L3MBTL3: variants seen among roughly 807,000 people sequenced by gnomAD.
L3MBTL3 encodes L3MBTL histone methyl-lysine binding protein 3, also known as lethal(3)malignant brain tumor-like protein 3.
L3MBTL3 carries 27 observed loss-of-function variants against 102.3 expected under a neutral mutation model. That is an observed-to-expected ratio of 0.26 (90% confidence interval 0.19 to 0.36). L3MBTL3 has a LOEUF of 0.36. Among genes scored for constraint, L3MBTL3 ranks in the 10% least tolerant of loss-of-function variants. L3MBTL3 has a pLI of 1.00. For missense variants in L3MBTL3, 798 were observed against 955.3 expected (o/e 0.84, Z 2.17); for synonymous variants, 340 against 320.9 (o/e 1.06, Z -0.64).
At chr6:130,030,430 A>T (rs1455111160) in intron 2 of L3MBTL3, among the ~76,000 whole-genome samples, 1 of 151,816 alleles carries the variant, frequency 6.6e-6, no homozygotes, top group Non-Finnish European at 1.5e-5. Context: ...TGGGAGGCTG[A>T]GGTGGGCAGA....
intron 13 of L3MBTL3, among the ~76,000 whole-genome samples, chr6:130,077,026 T>C (rs1384962160): frequency 6.6e-6 from 1 of 152,052 alleles, no homozygotes; most frequent in Non-Finnish European, 1.5e-5. Flanking sequence ...ATATTCAGTG[T>C]TTCTACTTTA....
At chr6:130,076,868 T>A (rs7756733) in intron 13 of L3MBTL3, among the ~76,000 whole-genome samples, 72,983 of 152,036 alleles carry the variant, frequency 0.48, 20,046 homozygotes, top group East Asian at 0.65. Flanking sequence ...TTGAGGCAGC[T>A]TCTTTGTTTT....
In L3MBTL3 at chr6:130,083,706, G is replaced by A; in HGVS notation, c.1407+1G>A. 2 of 1,471,116 alleles carry A rather than the reference G, an allele frequency of 1.4e-6. No individual in the cohort carries two copies. Among genetic ancestry groups the A allele is most frequent in the Non-Finnish European group, 1.9e-6 (2 of 1,070,988 alleles). The allele number at this position is 1,471,116 out of a possible 1,614,324, so 91.1% of individuals were successfully genotyped here. ...TGCTCCTGCAAGAGCTTTCAAAGTGGTAAGATGATACATTTTATTAATTTG... is the reference window on the plus strand; with the variant it reads ...TGCTCCTGCAAGAGCTTTCAAAGTGATAAGATGATACATTTTATTAATTTG... On this transcript the variant is annotated splice_donor_variant, in intron 15 of 22. Coordinates refer to ENST00000361794, the MANE Select transcript of L3MBTL3 (RefSeq NM_032438.4). LOFTEE classifies it high-confidence loss of function.
At chr6:130,080,995 G>A (rs977515275) in intron 14 of L3MBTL3, among the ~76,000 whole-genome samples, 2 of 152,204 alleles carry the variant, frequency 1.3e-5, no homozygotes, top group African/African-American at 4.8e-5. Context: ...GGCTTCCTAA[G>A]CAGCTGCTTC....
At chr6:130,128,321 T>C (rs1158501553) in intron 20 of L3MBTL3, among the ~76,000 whole-genome samples, 1 of 152,078 alleles carries the variant, frequency 6.6e-6, no homozygotes, top group Non-Finnish European at 1.5e-5. Context: ...TACTTAACAG[T>C]GTCAGGAAAT....
intron 18 of L3MBTL3, among the ~76,000 whole-genome samples, chr6:130,101,557 A>T (rs17058353): frequency 0.077 from 11,662 of 152,236 alleles, 613 homozygotes; most frequent in Admixed American, 0.14. Context: ...AATGAGGTGA[A>T]GGCAGGTCAG....
At chr6:130,060,000 A>G in intron 9 of L3MBTL3, 36 bp from the exon 10 acceptor site, 2 of 1,173,392 alleles carry the variant, frequency 1.7e-6, no homozygotes, top group East Asian at 2.3e-5. Flanking sequence ...GGGCTTTGGG[A>G]TAAGGGACTA....
At chr6:130,116,816 G>C (rs1785717902) in intron 19 of L3MBTL3, among the ~76,000 whole-genome samples, 1 of 151,830 alleles carries the variant, frequency 6.6e-6, no homozygotes, top group Admixed American at 6.6e-5. Context: ...CGAAATTGTT[G>C]ATAATGAAAA....
chr6:130,072,459 A>G (rs905756450), intron 13 of L3MBTL3, among the ~76,000 whole-genome samples: 1 of 152,176 alleles, frequency 6.6e-6, no homozygotes, highest in African/African-American at 2.4e-5. Context: ...CTGCTTTAGA[A>G]TATTTTGTTT....
chr6:130,104,489 A>C lies in L3MBTL3; in HGVS notation c.1800A>C (p.Leu600Phe). ...AAGACCGTATTTTTCCAGACCGCTT[A>C]AGTGGTGAGATGCCTCCGGCTAGTC... ...LNKDRIFPDR[L>F]SGEMPPASPS... is the part of the protein sequence containing the mutation. Residue 600 changes from leucine (L) to phenylalanine (F), a missense_variant, in exon 19 of 23, where the codon TTA (leucine) becomes TTC (phenylalanine). Physicochemically the swap from Leu to Phe is conservative, Grantham distance 22. Around this residue, in one of 4 missense-constraint regions of L3MBTL3, gnomAD observed 306 missense variants for 314.4 expected, o/e 0.97. Transcript: ENST00000361794. 6.2e-7 allele frequency: 1 copy of C among 1,602,110 alleles called. No individual in the cohort carries two copies. The highest frequency in any genetic ancestry group is 2.3e-5 in the East Asian group (1 of 44,306).
chr6:130,120,944 C>T lies in L3MBTL3; in HGVS notation c.1952C>T (p.Ser651Leu), dbSNP rs766230271. 1.9e-6 allele frequency: 3 copies of T among 1,609,732 alleles called. No individual in the cohort carries two copies. Among genetic ancestry groups the T allele is most frequent in the Non-Finnish European group, 2.5e-6 (3 of 1,176,576 alleles). ...AGAACAGAAAGTGAAATGAGAACAT[C>T]ACATGAAGCCAGAGGTAGCCATAAT... ...EERTESEMRT[S>L]HEARGAREEP... Residue 651 changes from serine to leucine, a missense_variant, in exon 20 of 23, where the codon TCA becomes TTA. By Grantham distance (145) the Ser-to-Leu change is moderately radical. Transcript: ENST00000361794.
chr6:130,084,693 G>A (rs17816084), intron 15 of L3MBTL3, among the ~76,000 whole-genome samples: 9,634 of 152,196 alleles, frequency 0.063, 447 homozygotes, highest in Non-Finnish European at 0.1. Context: ...CACTTTAAAC[G>A]AATAAAATTA....
At chr6:130,123,157 GCATAATGGAGAATTTC>G (rs1291714893) in intron 20 of L3MBTL3, among the ~76,000 whole-genome samples, 2 of 152,194 alleles carry the variant, frequency 1.3e-5, no homozygotes, top group African/African-American at 4.8e-5. Context: ...AAAATTGTTT[GCATAATGGAGAATTTC>G]CAGTTTATTA....
At chr6:130,081,585 T>A (rs1486937953) in intron 14 of L3MBTL3, among the ~76,000 whole-genome samples, 3 of 27,792 alleles carry the variant, frequency 1.1e-4, no homozygotes, top group African/African-American at 5.0e-4. Context: ...CACCTGGCTA[T>A]TTTTTTTTTT....
At chr6:130,101,081 T>C (rs926415158) in intron 18 of L3MBTL3, among the ~76,000 whole-genome samples, 1 of 152,238 alleles carries the variant, frequency 6.6e-6, no homozygotes, top group Non-Finnish European at 1.5e-5. Flanking sequence ...TAAATTGTTA[T>C]TATTTTTTGC....
At chr6:130,106,520 C>A (rs1784987251) in intron 19 of L3MBTL3, among the ~76,000 whole-genome samples, 1 of 152,154 alleles carries the variant, frequency 6.6e-6, no homozygotes, top group African/African-American at 2.4e-5. Flanking sequence ...GTTGAGCCTC[C>A]CTTTCTGCCA....
At chr6:130,035,528 A>G (rs954363842) in intron 2 of L3MBTL3, among the ~76,000 whole-genome samples, 26 of 152,216 alleles carry the variant, frequency 1.7e-4, no homozygotes, top group Admixed American at 1.5e-3. Context: ...TTGTAATAAA[A>G]GCAAATTGTT....
chr6:130,114,278 G>A (rs1469085446), intron 19 of L3MBTL3, among the ~76,000 whole-genome samples: 2 of 152,166 alleles, frequency 1.3e-5, no homozygotes, highest in Non-Finnish European at 2.9e-5. Flanking sequence ...AGATGACTGT[G>A]TTATTGCTAT....
rs201849228 is a variant in L3MBTL3 at position 130,060,122 on chromosome 6, T to C, written c.846T>C (p.Cys282=). 3.6e-5 allele frequency: 57 copies of C among 1,602,812 alleles called. 1 individual carries two copies. The East Asian group carries it at 1.2e-3, about 34-fold the overall frequency. The change falls in exon 10 of 23, where the codon TGT becomes TGC. Residue 282 remains cysteine, a synonymous_variant. Coordinates refer to ENST00000361794, the MANE Select transcript of L3MBTL3 (RefSeq NM_032438.4). ...ATCCTGAGCATCAGTCTGTGTACTG[T>C]GTCCTCACCGTCGCGGAGGTAAGCT... The part of the protein sequence containing the change: ...GVDPEHQSVY[C]VLTVAEVCGY...
Sources: gnomAD v4.1 joint callset for allele counts (sites outside exome capture counted in the v4.1 genomes callset) on GRCh38, gnomAD v4.1.1 for gene constraint, gnomAD v4.1.1 regional missense constraint, MANE v1.5 for transcripts, NCBI Gene and HGNC (gene_info 2026-07-23, HGNC 2026-07-21) for gene names.